The following MYRIP variants were observed in gnomAD, a reference collection of about 807,000 sequenced individuals.
MYRIP encodes the protein myosin VIIA and Rab interacting protein, also known as rab effector MyRIP.
MYRIP carries 49 observed loss-of-function variants against 98.0 expected under a neutral mutation model. That is an observed-to-expected ratio of 0.50 (90% CI 0.40 to 0.63). The LOEUF (loss-of-function observed/expected upper bound fraction) is 0.63, where lower values mean the gene tolerates loss of function less well. MYRIP is among the 30% of genes least tolerant of loss of function. The probability of loss-of-function intolerance (pLI) is 0.00; values close to 1 mark genes in which losing one functional copy is unlikely to be tolerated. For missense variants in MYRIP, 1,004 were observed against 1,058.2 expected (o/e 0.95, Z 0.71); for synonymous variants, 404 against 409.5 (o/e 0.99, Z 0.16).
At chr3:40,253,592 A>T (rs1283427545) in intron 16 of MYRIP, among the ~76,000 whole-genome samples, 1 of 152,222 alleles carries the variant, frequency 6.6e-6, no homozygotes, top group Non-Finnish European at 1.5e-5. Context: ...CTAAACTAAG[A>T]TCGCACTAGT....
intron 1 of MYRIP, among the ~76,000 whole-genome samples, chr3:39,857,015 T>G (rs114664978): frequency 0.011 from 1,711 of 152,024 alleles, 30 homozygotes; most frequent in South Asian, 0.036. Flanking sequence ...AGCCCAGGAG[T>G]TTGAGACCAG....
chr3:39,859,969 C>T (rs1011901952), intron 1 of MYRIP, among the ~76,000 whole-genome samples: 2 of 152,200 alleles, frequency 1.3e-5, no homozygotes, highest in African/African-American at 4.8e-5. Context: ...AGGGTGCCCA[C>T]TCTCACTGCT....
intron 13 of MYRIP, among the ~76,000 whole-genome samples, chr3:40,245,650 C>CAAAAA (rs1230060850): frequency 1.6e-5 from 1 of 62,766 alleles, no homozygotes; most frequent in East Asian, 5.7e-4. Flanking sequence ...ACTCCATCTC[C>CAAAAA]AAAAAAAAAA....
intron 1 of MYRIP, among the ~76,000 whole-genome samples, chr3:39,830,210 C>T (rs1941399523): frequency 6.6e-6 from 1 of 152,160 alleles, no homozygotes; most frequent in Non-Finnish European, 1.5e-5. Flanking sequence ...CCTCACTTCA[C>T]TTATCTCTTT....
At chr3:39,966,997 A>G (rs1009829665) in intron 2 of MYRIP, among the ~76,000 whole-genome samples, 6 of 152,222 alleles carry the variant, frequency 3.9e-5, no homozygotes, top group African/African-American at 1.4e-4. Context: ...GTGAACCTGA[A>G]CAAGCTATGT....
intron 3 of MYRIP, among the ~76,000 whole-genome samples, chr3:40,105,484 G>A (rs1003303564): frequency 6.6e-6 from 1 of 152,138 alleles, no homozygotes; most frequent in South Asian, 2.1e-4. Flanking sequence ...ATGGTGGAAG[G>A]CAAAGCTGGA....
chr3:39,872,622 A>G (rs896014097), intron 1 of MYRIP, among the ~76,000 whole-genome samples: 4 of 151,840 alleles, frequency 2.6e-5, no homozygotes, highest in Admixed American at 1.3e-4. Context: ...TTTACTGAGA[A>G]TGATGATTTC....
intron 1 of MYRIP, among the ~76,000 whole-genome samples, chr3:39,891,100 T>C (rs1026484844): frequency 2.0e-5 from 3 of 152,160 alleles, no homozygotes; most frequent in African/African-American, 7.2e-5. Context: ...TTGTTTCTTA[T>C]TTTCCCAGTT....
At chr3:39,862,106 C>T (rs772514591) in intron 1 of MYRIP, among the ~76,000 whole-genome samples, 27 of 152,136 alleles carry the variant, frequency 1.8e-4, no homozygotes, top group Non-Finnish European at 3.2e-4. Context: ...GGGTGGGTCA[C>T]CTACAAAGGG....
At chr3:40,159,285 T>A (rs1277617336) in intron 4 of MYRIP, among the ~76,000 whole-genome samples, 12 of 152,004 alleles carry the variant, frequency 7.9e-5, no homozygotes, top group African/African-American at 2.9e-4. Context: ...AAATTCTGGG[T>A]TGAAAATTCT....
At chr3:40,046,432 G>A (rs1175499557) in intron 3 of MYRIP, among the ~76,000 whole-genome samples, 1 of 151,598 alleles carries the variant, frequency 6.6e-6, no homozygotes, top group Admixed American at 6.6e-5. Flanking sequence ...ATGAATCTTT[G>A]TGACCCAAAT....
chr3:40,059,360 T>G (rs1947953853), intron 3 of MYRIP, among the ~76,000 whole-genome samples: 1 of 152,222 alleles, frequency 6.6e-6, no homozygotes, highest in Non-Finnish European at 1.5e-5. Flanking sequence ...ATTGCCACAC[T>G]GTCTTCCACA....
intron 7 of MYRIP, among the ~76,000 whole-genome samples, chr3:40,167,858 C>A (rs932389282): frequency 6.6e-6 from 1 of 152,164 alleles, no homozygotes; most frequent in Non-Finnish European, 1.5e-5. Flanking sequence ...GATGAAGAGA[C>A]ACACAGAGCA....
At chr3:39,868,198 C>T (rs963115184) in intron 1 of MYRIP, among the ~76,000 whole-genome samples, 1 of 152,160 alleles carries the variant, frequency 6.6e-6, no homozygotes, top group East Asian at 1.9e-4. Context: ...TGGCTCTGTC[C>T]TGCTTCTCTG....
At chr3:40,220,400 A>G (rs1420074276) in intron 11 of MYRIP, among the ~76,000 whole-genome samples, 3 of 152,168 alleles carry the variant, frequency 2.0e-5, no homozygotes, top group South Asian at 2.1e-4. Flanking sequence ...TTAGACATGA[A>G]GTCCTTGCTC....
intron 3 of MYRIP, among the ~76,000 whole-genome samples, chr3:40,075,168 T>C (rs773022015): frequency 7.9e-5 from 12 of 152,200 alleles, no homozygotes; most frequent in Non-Finnish European, 1.8e-4. Context: ...AGGCAATCTA[T>C]CACACAATTA....
At chr3:39,885,156 C>T (rs1436304079) in intron 1 of MYRIP, among the ~76,000 whole-genome samples, 3 of 151,776 alleles carry the variant, frequency 2.0e-5, no homozygotes, top group East Asian at 3.9e-4. Context: ...ATTTATGAGC[C>T]ATTTATAGTT....
intron 2 of MYRIP, among the ~76,000 whole-genome samples, chr3:40,002,951 T>G (rs547352267): frequency 6.6e-6 from 1 of 151,892 alleles, no homozygotes; most frequent in Non-Finnish European, 1.5e-5. Context: ...TAGCTATATG[T>G]GTGTATCTAA....
intron 2 of MYRIP, among the ~76,000 whole-genome samples, chr3:39,918,848 G>C (rs866536777): frequency 6.6e-6 from 1 of 152,148 alleles, no homozygotes; most frequent in East Asian, 1.9e-4. Flanking sequence ...AGGTAGTCTT[G>C]TTATGCAGAC....
Sources: allele counts gnomAD v4.1 joint callset (sites outside exome capture counted in the v4.1 genomes callset), GRCh38; gene constraint gnomAD v4.1.1; transcripts MANE v1.5; gene names NCBI Gene and HGNC (gene_info 2026-07-23, HGNC 2026-07-21).